The following LRRC9 variants were observed in gnomAD, a reference collection of about 807,000 sequenced individuals.
The protein encoded by LRRC9 is leucine-rich repeat-containing protein 9.
A neutral mutation model predicts 63.2 loss-of-function variants in LRRC9; 122 were observed. The observed-to-expected ratio is 1.93, with a 90% CI of 1.67 to 2.24. The LOEUF (loss-of-function observed/expected upper bound fraction) is 2.24. Ranked by LOEUF, LRRC9 falls within the 30% of genes most tolerant of loss-of-function variation. LRRC9 has a pLI of 0.00. For synonymous variants in LRRC9, 366 were observed against 213.1 expected, an observed-to-expected ratio of 1.72 and a Z score of -6.25; for missense variants, 1,071 against 627.7, an observed-to-expected ratio of 1.71 and a Z score of -7.55.
chr14:59,952,886 C>G (rs754805032), intron 8 of LRRC9, among the ~76,000 whole-genome samples: 1 of 152,162 alleles, frequency 6.6e-6, no homozygotes, highest in Non-Finnish European at 1.5e-5. Flanking sequence ...TCAGCTCCCA[C>G]TTGTGAGTGA....
chr14:59,978,052 G>C, exon 15 of LRRC9: 1 of 702,142 alleles, frequency 1.4e-6, no homozygotes, highest in Admixed American at 2.0e-5. Context: ...TGATTGCAGT[G>C]TTCGGCAGTG....
rs989431438 is a variant in LRRC9, at chr14:60,053,229, T to G, written c.4131+24T>G. On this transcript the variant is annotated intron_variant, in intron 30 of 31. Coordinates refer to ENST00000445360, the Ensembl canonical transcript of LRRC9. The surrounding 1 kb of genome is among the most constrained non-coding windows in gnomAD (Gnocchi z 4.8). ...CGGTAATAATTATATTATTTACAAT[T>G]TTCCTTTTGAAGCACATTAATGGTT... is the stretch of plus-strand genomic sequence containing the variant. 1 of 686,690 alleles carries G rather than the reference T, an allele frequency of 1.5e-6. No homozygotes were observed. The highest frequency in any genetic ancestry group is 1.8e-5 in the African/African-American group (1 of 56,614). 42.5% of individuals were successfully genotyped at this position (686,690 alleles called of 1,614,324 possible). A position where few individuals can be genotyped will look rare whatever the true frequency, so the allele number is the denominator to read the frequency against.
chr14:60,000,150 G>A (rs992749623), intron 19 of LRRC9, among the ~76,000 whole-genome samples: 1 of 152,108 alleles, frequency 6.6e-6, no homozygotes, highest in African/African-American at 2.4e-5. Flanking sequence ...CAGCAACATG[G>A]ATGCAGCTGG....
At position 60,017,579 on chromosome 14, in the gene LRRC9, C is replaced by T. The variant is rs1048862856; in HGVS notation, c.3317+789C>T. 7.2e-5 allele frequency among the ~76,000 whole-genome samples: 11 copies of T among 152,088 alleles called. No individual in the cohort carries two copies. Among genetic ancestry groups the T allele is most frequent in the African/African-American group, 2.7e-4 (11 of 41,436 alleles). Reference sequence around the variant, plus strand: ...ATTTTTATTTTTCTGGCTCCCACTTCTTGGGGGCTGAAACATTTCTTTCAT... The same window carrying T: ...ATTTTTATTTTTCTGGCTCCCACTTTTTGGGGGCTGAAACATTTCTTTCAT... On this transcript the variant is annotated intron_variant, in intron 24 of 31. Transcript: ENST00000445360. The surrounding 1 kb of genome is among the most constrained non-coding windows in gnomAD (Gnocchi z 4.0).
chr14:60,031,224 C>A lies in LRRC9; in HGVS notation c.3922-771C>A, dbSNP rs1891966090. 6.6e-6 allele frequency among the ~76,000 whole-genome samples: 1 copy of A among 152,124 alleles called. No homozygotes were observed. The highest frequency in any genetic ancestry group is 2.1e-4 in the South Asian group (1 of 4,822). The stretch of plus-strand genomic sequence containing the variant: ...AGTAAAGATCAGTCATTTTAAAAAT[C>A]AAATTCACTTCCACATGATCTAAAA... On this transcript the variant is annotated intron_variant, in intron 28 of 31. Transcript: ENST00000445360. The surrounding 1 kb of genome is among the most constrained non-coding windows in gnomAD (Gnocchi z 4.6).
At chr14:59,944,091 A>T (rs1293036122) in intron 7 of LRRC9, among the ~76,000 whole-genome samples, 1 of 151,996 alleles carries the variant, frequency 6.6e-6, no homozygotes, top group Admixed American at 6.6e-5. Flanking sequence ...GATTTGATAG[A>T]CATTTAGTAA....
chr14:60,014,721 T>C (rs1030706505), intron 23 of LRRC9, among the ~76,000 whole-genome samples: 1 of 152,120 alleles, frequency 6.6e-6, no homozygotes, highest in Non-Finnish European at 1.5e-5. Context: ...CTGATTATTA[T>C]TATGTGTCCT....
Position 60,051,317 on chromosome 14 carries a change from G to A in LRRC9, c.3991-1748G>A, listed in dbSNP as rs1893872464. On this transcript the variant is annotated intron_variant, in intron 29 of 31. Coordinates refer to ENST00000445360, the Ensembl canonical transcript of LRRC9. This position sits in a 1 kb window ranked among gnomAD's most constrained non-coding sequence, Gnocchi z 4.7. ...CCCACAAGGGGGCCCCGCCCAGTGA[G>A]GAAGAATGGATCAGGGTGCCACTTA... 6.6e-6 allele frequency among the ~76,000 whole-genome samples: 1 copy of A among 152,220 alleles called. No homozygotes were observed. Among genetic ancestry groups the A allele is most frequent in the South Asian group, 2.1e-4 (1 of 4,832 alleles).
intron 17 of LRRC9, among the ~76,000 whole-genome samples, chr14:59,997,205 T>C (rs1888890585): frequency 6.6e-6 from 1 of 152,058 alleles, no homozygotes; most frequent in Non-Finnish European, 1.5e-5. Flanking sequence ...TTTAAGAAAA[T>C]TATTATTTAA....
chr14:60,027,352 GT>G lies in LRRC9; in HGVS notation c.3704-529del, dbSNP rs1595059403. ...TAGCTACAATAGAGAGAAATCATAG[GT>G]TTATAAATAAGGTTTAGAGTTTTGA... On this transcript the variant is annotated intron_variant, in intron 27 of 31. Coordinates refer to ENST00000445360, the Ensembl canonical transcript of LRRC9. The surrounding 1 kb of genome is among the most constrained non-coding windows in gnomAD (Gnocchi z 4.0). Among the ~76,000 whole-genome samples the G allele has an allele frequency of 6.6e-6, 1 of 151,908 alleles. No homozygotes were observed. Among genetic ancestry groups the G allele is most frequent in the African/African-American group, 2.4e-5 (1 of 41,386 alleles).
chr14:60,002,105 AG>A lies in LRRC9; in HGVS notation c.2664+7del, dbSNP rs1454648616. On this transcript the variant is annotated splice_donor_region_variant and intron_variant, in intron 20 of 31. Transcript: ENST00000445360. ...AGTGGAAACTGCTACTTGAAGGTAA[AG>A]GCTAATTCTATTAAACCTAATATAA... The A allele has an allele frequency of 2.9e-6, 2 of 694,274 alleles. No individual in the cohort carries two copies. The highest frequency in any genetic ancestry group is 5.2e-6 in the Non-Finnish European group (2 of 382,262). The allele number at this position is 694,274 out of a possible 1,614,324, so 43.0% of individuals were successfully genotyped here. A position where few individuals can be genotyped will look rare whatever the true frequency, so the allele number is the denominator to read the frequency against.
Position 60,028,803 on chromosome 14 carries a change from G to A in LRRC9, c.3921+702G>A, listed in dbSNP as rs539524979. Among the ~76,000 whole-genome samples the A allele has an allele frequency of 9.3e-4, 141 of 152,140 alleles. 1 individual carries two copies. The Middle Eastern group carries it at 0.014, about 15-fold the overall frequency. On this transcript the variant is annotated intron_variant, in intron 28 of 31. Coordinates refer to ENST00000445360, the Ensembl canonical transcript of LRRC9. ...AGACAGACTGAACTCTGGACTACCC[G>A]CCAAGGGCAGAGACCAAGTCTATCT... is the stretch of plus-strand genomic sequence containing the variant.
At chr14:60,046,890 G>A (rs1893478028) in intron 29 of LRRC9, among the ~76,000 whole-genome samples, 1 of 152,160 alleles carries the variant, frequency 6.6e-6, no homozygotes, top group South Asian at 2.1e-4. Context: ...CTATCCATGA[G>A]CATGGAATGT....
intron 29 of LRRC9, among the ~76,000 whole-genome samples, chr14:60,041,860 T>A (rs1378592369): frequency 6.6e-6 from 1 of 152,188 alleles, no homozygotes; most frequent in African/African-American, 2.4e-5. Context: ...TCTGCTCTGT[T>A]TTTTCCCCAT....
At chr14:59,931,821 A>G (rs1889726855) in intron 5 of LRRC9, 139 bp downstream of exon 5, 1 of 609,230 alleles carries the variant, frequency 1.6e-6, no homozygotes, top group Non-Finnish European at 2.9e-6. Flanking sequence ...CTGTGAAAAT[A>G]TTACTCATTA....
chr14:59,992,958 G>A (rs558152443), intron 17 of LRRC9, among the ~76,000 whole-genome samples: 2 of 152,116 alleles, frequency 1.3e-5, no homozygotes, highest in East Asian at 1.9e-4. Flanking sequence ...TACAGAGAAC[G>A]CCACAAAGAT....
chr14:60,065,861 C>T (rs1409085721), downstream of LRRC9, among the ~76,000 whole-genome samples: 2 of 151,434 alleles, frequency 1.3e-5, no homozygotes, highest in African/African-American at 4.8e-5. Context: ...AATTAAGGCA[C>T]TTTATAGATT....
intron 1 of LRRC9, among the ~76,000 whole-genome samples, chr14:59,926,298 T>A (rs1889202961): frequency 2.0e-5 from 3 of 152,178 alleles, no homozygotes; most frequent in South Asian, 4.1e-4. Context: ...GTTTTCATAT[T>A]TCTGTAGTCA....
chr14:59,957,506 G>T (rs575425849), intron 8 of LRRC9, among the ~76,000 whole-genome samples: 1 of 152,012 alleles, frequency 6.6e-6, no homozygotes, highest in East Asian at 1.9e-4. Flanking sequence ...CTCTAAACTG[G>T]TTATTCTAGT....
Sources: gnomAD v4.1 joint callset for allele counts (sites outside exome capture counted in the v4.1 genomes callset) on GRCh38, gnomAD v4.1.1 for gene constraint, Gnocchi (gnomAD v3.1) non-coding constraint, MANE v1.5 for transcripts, NCBI Gene and HGNC (gene_info 2026-07-23, HGNC 2026-07-21) for gene names.